Variants in MALRD1 observed in about 807,000 individuals in gnomAD.
MALRD1 encodes MAM and LDL receptor class A domain containing 1.
MALRD1 carries 247 observed loss-of-function variants against 242.1 expected under a neutral mutation model. The ratio of observed to expected loss-of-function variants is 1.02; its 90% CI spans 0.92 to 1.13. The LOEUF is 1.13. MALRD1 is among the 50% of genes most tolerant of loss of function. MALRD1 has a pLI of 0.00. For synonymous variants in MALRD1, 995 were observed against 866.6 expected, an observed-to-expected ratio of 1.15 and a Z score of -2.60; for missense variants, 2,989 against 2,533.1, an observed-to-expected ratio of 1.18 and a Z score of -3.86.
chr10:19,384,935 AT>A (rs1270908890), intron 26 of MALRD1, among the ~76,000 whole-genome samples: 1 of 151,370 alleles, frequency 6.6e-6, no homozygotes, highest in Non-Finnish European at 1.5e-5. Flanking sequence ...GTTGATGTAA[AT>A]TCCTTCTATG....
intron 36 of MALRD1, among the ~76,000 whole-genome samples, chr10:19,655,988 A>G (rs958744266): frequency 6.6e-6 from 1 of 152,160 alleles, no homozygotes. Context: ...ATTCTCTTCA[A>G]TATTCTCATA....
intron 26 of MALRD1, among the ~76,000 whole-genome samples, chr10:19,358,640 C>T (rs2130694675): frequency 1.3e-5 from 2 of 152,268 alleles, no homozygotes; most frequent in South Asian, 4.1e-4. Flanking sequence ...ACGTTCTGTA[C>T]CATGGGGACT....
At chr10:19,324,671 A>C (rs1466386342) in intron 22 of MALRD1, among the ~76,000 whole-genome samples, 2 of 151,766 alleles carry the variant, frequency 1.3e-5, no homozygotes, top group Non-Finnish European at 2.9e-5. Context: ...GTATAGGATA[A>C]TATATTATAC....
chr10:19,223,329 A>C (rs1837644410), intron 18 of MALRD1, among the ~76,000 whole-genome samples: 2 of 152,176 alleles, frequency 1.3e-5, no homozygotes, highest in African/African-American at 4.8e-5. Context: ...ATTATTTTCA[A>C]AACAGCATTG....
At chr10:19,309,193 G>A (rs1609613) in intron 21 of MALRD1, among the ~76,000 whole-genome samples, 1 of 151,470 alleles carries the variant, frequency 6.6e-6, no homozygotes, top group African/African-American at 2.4e-5. Flanking sequence ...GGTGATTCAT[G>A]GAGCATAATT....
At chr10:19,205,396 G>C (rs1836740763) in intron 17 of MALRD1, 131 bp downstream of exon 17, 39 of 1,095,326 alleles carry the variant, frequency 3.6e-5, no homozygotes, top group South Asian at 2.7e-4. Flanking sequence ...GTTATGTGTG[G>C]TTAATTAGTC....
At chr10:19,298,897 A>T (rs541682419) in intron 21 of MALRD1, among the ~76,000 whole-genome samples, 7 of 151,954 alleles carry the variant, frequency 4.6e-5, no homozygotes, top group Non-Finnish European at 8.8e-5. Flanking sequence ...AGACCCTCAA[A>T]TCCTTTGCGT....
chr10:19,123,377 A>G (rs1281079568), intron 5 of MALRD1, 115 bp from the exon 6 acceptor site: 2 of 442,936 alleles, frequency 4.5e-6, no homozygotes, highest in East Asian at 7.2e-5. Context: ...TGATACCATA[A>G]AGAGAAATTG....
intron 18 of MALRD1, among the ~76,000 whole-genome samples, chr10:19,231,814 G>A (rs1005122891): frequency 7.9e-5 from 12 of 151,146 alleles, no homozygotes; most frequent in East Asian, 2.0e-4. Flanking sequence ...AGCCCAAGTC[G>A]GATCACCGAG....
chr10:19,577,522 G>A (rs1836888410), intron 33 of MALRD1, among the ~76,000 whole-genome samples: 1 of 152,064 alleles, frequency 6.6e-6, no homozygotes, highest in Non-Finnish European at 1.5e-5. Flanking sequence ...TCATCAGGCT[G>A]GAAGGAATTT....
At chr10:19,399,584 T>A (rs1409983409) in intron 28 of MALRD1, among the ~76,000 whole-genome samples, 1 of 152,080 alleles carries the variant, frequency 6.6e-6, no homozygotes, top group African/African-American at 2.4e-5. Flanking sequence ...GATTACAGAG[T>A]TGGAGTAGAG....
chr10:19,605,648 A>T (rs1838580685), intron 34 of MALRD1, among the ~76,000 whole-genome samples: 1 of 151,914 alleles, frequency 6.6e-6, no homozygotes, highest in South Asian at 2.1e-4. Context: ...AAATATTAAA[A>T]TTTTAAATAT....
chr10:19,434,712 A>G (rs1028253926), intron 28 of MALRD1, among the ~76,000 whole-genome samples: 1 of 152,036 alleles, frequency 6.6e-6, no homozygotes, highest in African/African-American at 2.4e-5. Context: ...CGTAGCTTGA[A>G]ATATTTTTAT....
intron 38 of MALRD1, chr10:19,711,209 A>G (rs1000173548): frequency 6.6e-6 from 1 of 152,024 alleles, no homozygotes; most frequent in Non-Finnish European, 1.5e-5. Context: ...TACTCCTTCC[A>G]CTTCCACTAT....
chr10:19,263,940 T>G (rs552089177), intron 19 of MALRD1, among the ~76,000 whole-genome samples: 1 of 152,288 alleles, frequency 6.6e-6, no homozygotes, highest in Admixed American at 6.5e-5. Flanking sequence ...TCTCTATGAA[T>G]TTTTGTCTTA....
intron 31 of MALRD1, among the ~76,000 whole-genome samples, chr10:19,519,357 A>G (rs1295786918): frequency 2.0e-5 from 3 of 152,120 alleles, no homozygotes; most frequent in South Asian, 2.1e-4. Context: ...GGAGATTTTT[A>G]TCAAGGAGAA....
At chr10:19,328,137 C>G (rs1320703439) in intron 23 of MALRD1, among the ~76,000 whole-genome samples, 4 of 152,006 alleles carry the variant, frequency 2.6e-5, no homozygotes, top group Non-Finnish European at 5.9e-5. Flanking sequence ...CTGTATTTGT[C>G]TTCATGGAAT....
intron 38 of MALRD1, among the ~76,000 whole-genome samples, chr10:19,708,945 G>A (rs1379021563): frequency 8.2e-6 from 1 of 122,144 alleles, no homozygotes; most frequent in Non-Finnish European, 1.9e-5. Context: ...TTACAGGCAT[G>A]AGCCACCACA....
At chr10:19,440,698 A>G (rs1834594400) in intron 28 of MALRD1, among the ~76,000 whole-genome samples, 1 of 152,214 alleles carries the variant, frequency 6.6e-6, no homozygotes, top group Admixed American at 6.5e-5. Context: ...ACTGCATAGT[A>G]TTCCATGGTG....
Sources: allele counts gnomAD v4.1 joint callset (sites outside exome capture counted in the v4.1 genomes callset), GRCh38; gene constraint gnomAD v4.1.1; transcripts MANE v1.5; gene names NCBI Gene and HGNC (gene_info 2026-07-23, HGNC 2026-07-21).